STXBP3: variants seen among roughly 807,000 people sequenced by gnomAD.
STXBP3 encodes the protein syntaxin-binding protein 3.
A neutral mutation model predicts 85.7 loss-of-function variants in STXBP3; 41 were observed. The ratio of observed to expected loss-of-function variants is 0.48; its 90% confidence interval spans 0.37 to 0.62. The LOEUF (loss-of-function observed/expected upper bound fraction) is 0.62. STXBP3 is among the 20% of genes least tolerant of loss of function. The probability of loss-of-function intolerance (pLI) is 0.00; values close to 1 mark genes in which losing one functional copy is unlikely to be tolerated. For missense variants in STXBP3, 563 were observed against 703.1 expected, an observed-to-expected ratio of 0.80 and a Z score of 2.25; for synonymous variants, 229 against 231.7, an observed-to-expected ratio of 0.99 and a Z score of 0.10.
At chr1:108,787,769 G>C (rs1386265177) in intron 11 of STXBP3, among the ~76,000 whole-genome samples, 1 of 151,604 alleles carries the variant, frequency 6.6e-6, no homozygotes, top group East Asian at 1.9e-4. Flanking sequence ...GTTTTTATGT[G>C]TTTCTGTTTT....
intron 4 of STXBP3, among the ~76,000 whole-genome samples, chr1:108,757,415 CAA>C (rs1662044508): frequency 6.6e-6 from 1 of 151,828 alleles, no homozygotes; most frequent in Admixed American, 6.6e-5. Flanking sequence ...TTTAAAAAAA[CAA>C]AAAGATACAC....
chr1:108,796,988 T>G (rs1663116969), intron 15 of STXBP3, among the ~76,000 whole-genome samples: 4 of 152,162 alleles, frequency 2.6e-5, no homozygotes, highest in Admixed American at 2.6e-4. Flanking sequence ...ACAATTGTCA[T>G]ATTTTAGTTA....
intron 7 of STXBP3, among the ~76,000 whole-genome samples, chr1:108,774,347 T>C (rs1662541627): frequency 2.0e-5 from 3 of 152,186 alleles, no homozygotes; most frequent in African/African-American, 7.2e-5. Context: ...AATATGGTAG[T>C]AAATATATTG....
rs574236347 is a variant in STXBP3, at chr1:108,797,022, AT to A, written c.1356+297del. Among the ~76,000 whole-genome samples, 6 of 152,234 alleles carry A rather than the reference AT, an allele frequency of 3.9e-5. No homozygotes were observed. The South Asian group carries it at 1.2e-3, about 32-fold the overall frequency. ...TAAACGTGTAACCTTTAACTATAAT[AT>A]GGCAGAGAAAATAAGTATATATTTT... is the stretch of plus-strand genomic sequence containing the variant. On this transcript the variant is annotated intron_variant, in intron 15 of 18. Transcript: ENST00000370008.
intron 11 of STXBP3, 121 bp from the exon 12 acceptor site, chr1:108,793,461 A>G: frequency 1.2e-6 from 1 of 810,486 alleles, no homozygotes; most frequent in Non-Finnish European, 1.9e-6. Flanking sequence ...TTTCAAAAAA[A>G]TTGTCAAATA....
At chr1:108,765,465 G>A (rs1432893101) in intron 6 of STXBP3, among the ~76,000 whole-genome samples, 2 of 151,898 alleles carry the variant, frequency 1.3e-5, no homozygotes, top group African/African-American at 4.8e-5. Context: ...GTGTGTCTGG[G>A]AAAAGATAGT....
chr1:108,766,749 T>C (rs1375412678), intron 6 of STXBP3: 3 of 181,956 alleles, frequency 1.6e-5, no homozygotes, highest in African/African-American at 7.2e-5. Context: ...TTCTTAGAAC[T>C]GGACCATAGT....
At chr1:108,782,800 G>T in intron 11 of STXBP3, 94 bp downstream of exon 11, 1 of 1,227,200 alleles carries the variant, frequency 8.1e-7, no homozygotes, top group African/African-American at 1.5e-5. Context: ...TTTTATTTTT[G>T]GAAAGTTCTA....
chr1:108,773,262 A>T (rs1475692), intron 7 of STXBP3, among the ~76,000 whole-genome samples: 107,136 of 152,008 alleles, frequency 0.7, 38,756 homozygotes, highest in Non-Finnish European at 0.77. Context: ...ACTTTAGTAC[A>T]ATATACCTTG....
chr1:108,769,809 A>G (rs79793114), intron 6 of STXBP3, among the ~76,000 whole-genome samples: 19,190 of 152,242 alleles, frequency 0.13, 1,507 homozygotes, highest in Middle Eastern at 0.18. Context: ...GTGCATTACT[A>G]CAACAAAGGT....
At chr1:108,772,490 A>G (rs965835679) in intron 6 of STXBP3, among the ~76,000 whole-genome samples, 175 bp from the exon 7 acceptor site, 1 of 144,946 alleles carries the variant, frequency 6.9e-6, no homozygotes, top group Non-Finnish European at 1.5e-5. Context: ...ATATAAATAC[A>G]TGATATCTAT....
chr1:108,776,667 G>A (rs1296169840), intron 8 of STXBP3, among the ~76,000 whole-genome samples: 5 of 151,976 alleles, frequency 3.3e-5, no homozygotes, highest in Non-Finnish European at 5.9e-5. Context: ...TAGTTCTGCC[G>A]TTTAATTCAT....
intron 1 of STXBP3, among the ~76,000 whole-genome samples, chr1:108,747,506 A>T (rs1003785157): frequency 9.2e-5 from 14 of 152,162 alleles, no homozygotes; most frequent in African/African-American, 3.4e-4. Context: ...GGTATCATCC[A>T]CAACTTTCAT....
chr1:108,759,951 T>C, intron 5 of STXBP3, 34 bp from the exon 6 acceptor site: 1 of 1,270,816 alleles, frequency 7.9e-7, no homozygotes, highest in Non-Finnish European at 1.1e-6. Flanking sequence ...AAAATCTAGA[T>C]GTAACTATAT....
intron 1 of STXBP3, among the ~76,000 whole-genome samples, chr1:108,748,151 T>C (rs893403178): frequency 6.6e-6 from 1 of 152,220 alleles, no homozygotes; most frequent in African/African-American, 2.4e-5. Flanking sequence ...TCAACATTTT[T>C]CATGTTGCTT....
At chr1:108,798,046 G>T in intron 15 of STXBP3, 99 bp from the exon 16 acceptor site, 1 of 1,003,994 alleles carries the variant, frequency 1.0e-6, no homozygotes, top group Non-Finnish European at 1.5e-6. Flanking sequence ...ATACAATATA[G>T]TATTTACTGG....
rs189487765 is a variant in STXBP3 at position 108,804,431 on chromosome 1, G to A, written c.1536-2970G>A. On this transcript the variant is annotated intron_variant, in intron 17 of 18. Coordinates refer to ENST00000370008, the MANE Select transcript of STXBP3 (RefSeq NM_007269.4). ...GTCATACTCTCTATCCTCCTTTATT[G>A]TCTATTGTCATTTTAAACATACCTA... Among the ~76,000 whole-genome samples, 210 of 151,814 alleles carry A rather than the reference G, an allele frequency of 1.4e-3. 1 individual carries two copies. Among genetic ancestry groups the A allele is most frequent in the Admixed American group, 3.4e-3 (52 of 15,246 alleles).
chr1:108,787,219 C>G (rs1231098036), intron 11 of STXBP3, among the ~76,000 whole-genome samples: 1 of 152,070 alleles, frequency 6.6e-6, no homozygotes, highest in Non-Finnish European at 1.5e-5. Flanking sequence ...ATCCCCCCAC[C>G]CTTGCCTCCC....
intron 8 of STXBP3, among the ~76,000 whole-genome samples, chr1:108,777,404 G>A (rs1662613016): frequency 6.6e-6 from 1 of 151,998 alleles, no homozygotes; most frequent in African/African-American, 2.4e-5. Flanking sequence ...TAGAGAAAAA[G>A]GCAAAATCCA....
Sources: gnomAD v4.1 joint callset for allele counts (sites outside exome capture counted in the v4.1 genomes callset) on GRCh38, gnomAD v4.1.1 for gene constraint, MANE v1.5 for transcripts, NCBI Gene and HGNC (gene_info 2026-07-23, HGNC 2026-07-21) for gene names.